FBXL7: variants seen among roughly 807,000 people sequenced by gnomAD.
FBXL7 encodes the protein F-box/LRR-repeat protein 7.
Under a neutral mutation model 38.3 loss-of-function variants are expected in FBXL7, and 12 were observed. The observed-to-expected ratio is 0.31, with a 90% CI of 0.20 to 0.51. The LOEUF is 0.51. Ranked by LOEUF, FBXL7 falls within the 20% of genes least tolerant of loss-of-function variation. FBXL7 has a pLI of 0.98. For missense variants in FBXL7, 567 were observed against 676.4 expected, an observed-to-expected ratio of 0.84 and a Z score of 1.79; for synonymous variants, 297 against 300.9, an observed-to-expected ratio of 0.99 and a Z score of 0.13.
At chr5:15,643,490 T>G (rs1215377763) in intron 2 of FBXL7, among the ~76,000 whole-genome samples, 1 of 152,210 alleles carries the variant, frequency 6.6e-6, no homozygotes, top group African/African-American at 2.4e-5. Flanking sequence ...TGGAACAACA[T>G]GTGGAAACCC....
intron 2 of FBXL7, among the ~76,000 whole-genome samples, chr5:15,742,992 C>A (rs185253004): frequency 1.3e-5 from 2 of 152,078 alleles, no homozygotes; most frequent in East Asian, 1.9e-4. Flanking sequence ...TGGAAGTAAT[C>A]GCCACCATGA....
intron 1 of FBXL7, among the ~76,000 whole-genome samples, chr5:15,585,857 G>T (rs555001735): frequency 6.6e-6 from 1 of 152,324 alleles, no homozygotes; most frequent in South Asian, 2.1e-4. Flanking sequence ...TTCAAGGCTG[G>T]TCACACAAAT....
chr5:15,746,721 G>C (rs930961243), intron 2 of FBXL7, among the ~76,000 whole-genome samples: 2 of 152,124 alleles, frequency 1.3e-5, no homozygotes, highest in African/African-American at 4.8e-5. Flanking sequence ...TTATGGACTA[G>C]ATAAGACCAT....
intron 2 of FBXL7, among the ~76,000 whole-genome samples, chr5:15,807,640 T>C (rs1737748760): frequency 6.6e-6 from 1 of 152,088 alleles, no homozygotes; most frequent in African/African-American, 2.4e-5. Context: ...TAACTGCAGG[T>C]ACTTTTGCCC....
chr5:15,809,093 A>G (rs16867756), intron 2 of FBXL7, among the ~76,000 whole-genome samples: 4,752 of 152,272 alleles, frequency 0.031, 254 homozygotes, highest in African/African-American at 0.11. Flanking sequence ...GTCTCCACCA[A>G]TCATCATCAT....
At chr5:15,512,946 C>G (rs1450565305) in intron 1 of FBXL7, among the ~76,000 whole-genome samples, 1 of 152,110 alleles carries the variant, frequency 6.6e-6, no homozygotes, top group Non-Finnish European at 1.5e-5. Context: ...AATGTTCTTT[C>G]TCTGTGTTAA....
chr5:15,751,969 G>A (rs1157514396), intron 2 of FBXL7, among the ~76,000 whole-genome samples: 1 of 152,166 alleles, frequency 6.6e-6, no homozygotes, highest in Non-Finnish European at 1.5e-5. Context: ...ACAGAATGAA[G>A]TAATAGAAAA....
rs184560118 is a variant in FBXL7 at position 15,511,436 on chromosome 5, G to A, written c.37+10723G>A. On this transcript the variant is annotated intron_variant, in intron 1 of 3. Coordinates refer to ENST00000504595, the MANE Select transcript of FBXL7 (RefSeq NM_012304.5). Reference sequence around the variant, plus strand: ...CCTTTGTGCCTACACACAAGCAAAAGCTCATGGAGGGCTGAGAAGAGTGTA... The same window carrying A: ...CCTTTGTGCCTACACACAAGCAAAAACTCATGGAGGGCTGAGAAGAGTGTA... 1.3e-3 allele frequency among the ~76,000 whole-genome samples: 192 copies of A among 152,306 alleles called. 1 individual carries two copies. Among genetic ancestry groups the A allele is most frequent in the African/African-American group, 4.5e-3 (188 of 41,566 alleles).
intron 2 of FBXL7, among the ~76,000 whole-genome samples, chr5:15,873,327 A>G (rs2126829013): frequency 6.6e-6 from 1 of 152,300 alleles, no homozygotes; most frequent in South Asian, 2.1e-4. Context: ...TCTAAAATTG[A>G]CACCCTAACA....
intron 2 of FBXL7, among the ~76,000 whole-genome samples, chr5:15,901,611 T>C (rs1050886570): frequency 3.9e-5 from 6 of 152,174 alleles, no homozygotes; most frequent in African/African-American, 1.4e-4. Flanking sequence ...CACAAGACAT[T>C]AGAACAAACA....
intron 1 of FBXL7, among the ~76,000 whole-genome samples, chr5:15,613,685 C>A (rs1740335938): frequency 6.6e-6 from 1 of 152,102 alleles, no homozygotes; most frequent in African/African-American, 2.4e-5. Context: ...TGACTTTCAT[C>A]ATAAGGAAAC....
chr5:15,916,627 A>G (rs1227205495), intron 2 of FBXL7, among the ~76,000 whole-genome samples: 1 of 152,232 alleles, frequency 6.6e-6, no homozygotes, highest in Non-Finnish European at 1.5e-5. Flanking sequence ...TTCAAGGAGA[A>G]TGCAGTCTAC....
chr5:15,767,811 A>G (rs1736628042), intron 2 of FBXL7, among the ~76,000 whole-genome samples: 1 of 152,362 alleles, frequency 6.6e-6, no homozygotes, highest in South Asian at 2.1e-4. Flanking sequence ...GGCAAAGCAT[A>G]CACACAGATT....
At chr5:15,615,612 T>G (rs1740419628) in intron 1 of FBXL7, among the ~76,000 whole-genome samples, 1 of 152,250 alleles carries the variant, frequency 6.6e-6, no homozygotes, top group African/African-American at 2.4e-5. Context: ...TTTCCTTTAC[T>G]GAGAAATGCA....
At chr5:15,701,286 C>T (rs940685809) in intron 2 of FBXL7, among the ~76,000 whole-genome samples, 1 of 152,158 alleles carries the variant, frequency 6.6e-6, no homozygotes, top group Non-Finnish European at 1.5e-5. Flanking sequence ...GCCAAAATAA[C>T]ACTTCAAATA....
At chr5:15,854,431 C>G (rs886956175) in intron 2 of FBXL7, among the ~76,000 whole-genome samples, 3 of 152,066 alleles carry the variant, frequency 2.0e-5, no homozygotes, top group Non-Finnish European at 4.4e-5. Context: ...TAATCTTCAG[C>G]CTATGTGCCA....
chr5:15,735,960 T>C (rs1735738360), intron 2 of FBXL7, among the ~76,000 whole-genome samples: 1 of 152,204 alleles, frequency 6.6e-6, no homozygotes, highest in Non-Finnish European at 1.5e-5. Flanking sequence ...CAGGGTGATA[T>C]TTGTTAAAGC....
At chr5:15,665,230 T>G (rs1742230351) in intron 2 of FBXL7, among the ~76,000 whole-genome samples, 1 of 152,138 alleles carries the variant, frequency 6.6e-6, no homozygotes, top group South Asian at 2.1e-4. Flanking sequence ...TACCCCCCAA[T>G]TTTTACCATG....
At position 15,936,051 on chromosome 5, in the gene FBXL7, G is replaced by A. The variant is rs114904724; in HGVS notation, c.740-399G>A. On this transcript the variant is annotated intron_variant, in intron 3 of 3. Transcript: ENST00000504595. This position sits in a 1 kb window ranked among gnomAD's most constrained non-coding sequence, Gnocchi z 6.0. Reference sequence around the variant, plus strand: ...TTACTGAGCTCCTGGAACTTTCCAGGGCCAAGGCAAGATATTTACACACAT... The same window carrying A: ...TTACTGAGCTCCTGGAACTTTCCAGAGCCAAGGCAAGATATTTACACACAT... Among the ~76,000 whole-genome samples the A allele has an allele frequency of 1.6e-3, 246 of 152,192 alleles. No individual in the cohort carries two copies. The highest frequency in any genetic ancestry group is 5.7e-3 in the African/African-American group (236 of 41,512).
Sources: gnomAD v4.1 joint callset for allele counts (sites outside exome capture counted in the v4.1 genomes callset) on GRCh38, gnomAD v4.1.1 for gene constraint, Gnocchi (gnomAD v3.1) non-coding constraint, MANE v1.5 for transcripts, NCBI Gene and HGNC (gene_info 2026-07-23, HGNC 2026-07-21) for gene names.